Variants in HDAC9 observed in about 807,000 individuals in gnomAD.
HDAC9 encodes the protein histone deacetylase 9.
HDAC9 carries 41 observed loss-of-function variants against 139.4 expected under a neutral mutation model. The observed-to-expected ratio is 0.29, with a 90% confidence interval of 0.23 to 0.38. The LOEUF is 0.38. Ranked by LOEUF, HDAC9 falls within the 10% of genes least tolerant of loss-of-function variation. HDAC9 has a pLI of 1.00. For missense variants in HDAC9, 1,147 were observed against 1,297.0 expected, an observed-to-expected ratio of 0.88 and a Z score of 1.78; for synonymous variants, 517 against 476.2, an observed-to-expected ratio of 1.09 and a Z score of -1.12.
intron 22 of HDAC9, among the ~76,000 whole-genome samples, chr7:18,922,818 C>G (rs1356976273): frequency 6.6e-6 from 1 of 152,054 alleles, no homozygotes; most frequent in African/African-American, 2.4e-5. Flanking sequence ...CACCCTGGCT[C>G]TGTTGCTGAT....
intron 1 of HDAC9, among the ~76,000 whole-genome samples, chr7:18,134,616 C>T (rs1184673276): frequency 6.6e-6 from 1 of 152,156 alleles, no homozygotes; most frequent in East Asian, 1.9e-4. Flanking sequence ...TAGTGAACAA[C>T]ATTATTACTC....
chr7:18,775,799 G>T (rs1790715475), intron 16 of HDAC9, among the ~76,000 whole-genome samples: 1 of 151,908 alleles, frequency 6.6e-6, no homozygotes, highest in Non-Finnish European at 1.5e-5. Context: ...AGGCCTGGGA[G>T]TTCATAGGAC....
chr7:18,707,607 CT>C (rs1273623172), intron 12 of HDAC9, among the ~76,000 whole-genome samples: 1 of 152,054 alleles, frequency 6.6e-6, no homozygotes, highest in Non-Finnish European at 1.5e-5. Context: ...GACACCTGCT[CT>C]TTTTTTAGGT....
At chr7:18,144,891 G>A (rs1786182660) in intron 1 of HDAC9, among the ~76,000 whole-genome samples, 2 of 152,168 alleles carry the variant, frequency 1.3e-5, no homozygotes, top group Non-Finnish European at 2.9e-5. Flanking sequence ...GAGGTCTGAG[G>A]AATGAAGTAG....
At chr7:18,541,595 G>A (rs1037210689) in intron 2 of HDAC9, among the ~76,000 whole-genome samples, 1 of 151,948 alleles carries the variant, frequency 6.6e-6, no homozygotes, top group Non-Finnish European at 1.5e-5. Flanking sequence ...CAAGCATTGT[G>A]GTGACAAACA....
rs140063941 is a variant in HDAC9 at position 18,933,185 on chromosome 7, G to A, written c.2804-2624G>A. Among the ~76,000 whole-genome samples, 470 of 152,280 alleles carry A rather than the reference G, an allele frequency of 3.1e-3. 1 individual carries two copies. The highest frequency in any genetic ancestry group is 0.011 in the African/African-American group (442 of 41,564). On this transcript the variant is annotated intron_variant, in intron 22 of 25. Coordinates refer to ENST00000686413, the MANE Select transcript of HDAC9 (RefSeq NM_178425.4). ...TTTATTTCTCACAGTTCTGGTTACTGTAAGTCTGAGATCAGCTTGCCAGCA... is the reference window on the plus strand; with the variant it reads ...TTTATTTCTCACAGTTCTGGTTACTATAAGTCTGAGATCAGCTTGCCAGCA...
At chr7:18,625,456 G>A (rs995576118) in intron 6 of HDAC9, among the ~76,000 whole-genome samples, 8 of 152,116 alleles carry the variant, frequency 5.3e-5, no homozygotes, top group African/African-American at 1.9e-4. Flanking sequence ...ATGCTGTCCT[G>A]TGCTTTGTAG....
intron 2 of HDAC9, among the ~76,000 whole-genome samples, chr7:18,269,488 C>G (rs923319501): frequency 6.6e-6 from 1 of 152,066 alleles, no homozygotes; most frequent in Non-Finnish European, 1.5e-5. Flanking sequence ...GTGTATGCAC[C>G]AGAAAAGAAG....
intron 16 of HDAC9, among the ~76,000 whole-genome samples, chr7:18,772,964 G>A (rs969346218): frequency 2.6e-5 from 4 of 151,998 alleles, no homozygotes; most frequent in Admixed American, 6.6e-5. Context: ...TAGTTGTTGG[G>A]ATGTAGACAA....
At chr7:18,167,732 G>C (rs541258441) in intron 2 of HDAC9, among the ~76,000 whole-genome samples, 1 of 152,082 alleles carries the variant, frequency 6.6e-6, no homozygotes, top group Non-Finnish European at 1.5e-5. Flanking sequence ...TTCACATTTC[G>C]TTGAGTGGAA....
chr7:18,569,609 G>A (rs919374048), intron 2 of HDAC9, among the ~76,000 whole-genome samples: 1 of 152,168 alleles, frequency 6.6e-6, no homozygotes, highest in African/African-American at 2.4e-5. Flanking sequence ...GATACTATGA[G>A]TTCTGCCAGA....
At chr7:18,841,606 C>A (rs989926576) in intron 21 of HDAC9, among the ~76,000 whole-genome samples, 2 of 152,086 alleles carry the variant, frequency 1.3e-5, no homozygotes, top group African/African-American at 4.8e-5. Context: ...ATTTTGGAGA[C>A]AGTACTTTGT....
chr7:18,191,074 C>T (rs1790321909), intron 2 of HDAC9, among the ~76,000 whole-genome samples: 1 of 152,166 alleles, frequency 6.6e-6, no homozygotes, highest in Non-Finnish European at 1.5e-5. Flanking sequence ...GTGGAAAATT[C>T]ATGTGTAACT....
At chr7:18,129,535 C>T (rs1784878725) in intron 1 of HDAC9, among the ~76,000 whole-genome samples, 1 of 152,014 alleles carries the variant, frequency 6.6e-6, no homozygotes, top group Admixed American at 6.6e-5. Context: ...ATGATTCTGT[C>T]CAGTTTTTAA....
At chr7:18,980,177 GC>G (rs1277364250) in intron 25 of HDAC9, among the ~76,000 whole-genome samples, 1 of 152,048 alleles carries the variant, frequency 6.6e-6, no homozygotes, top group Admixed American at 6.5e-5. Context: ...GTCTTGAGGT[GC>G]ATGTGAAGTC....
At chr7:18,735,976 A>G in intron 13 of HDAC9, among the ~76,000 whole-genome samples, 1 of 152,006 alleles carries the variant, frequency 6.6e-6, no homozygotes, top group East Asian at 1.9e-4. Flanking sequence ...ATTTCTAGGT[A>G]TTTTATTCTC....
intron 16 of HDAC9, among the ~76,000 whole-genome samples, chr7:18,780,617 A>AGTCATCAC (rs2129170594): frequency 6.6e-6 from 1 of 152,208 alleles, no homozygotes; most frequent in African/African-American, 2.4e-5. Flanking sequence ...TGAGAGAAGC[A>AGTCATCAC]GTCATCACTA....
intron 21 of HDAC9, among the ~76,000 whole-genome samples, chr7:18,843,877 C>T (rs1202178432): frequency 6.6e-6 from 1 of 152,064 alleles, no homozygotes; most frequent in Non-Finnish European, 1.5e-5. Context: ...GACTTTCCCA[C>T]GTGGAGGAAT....
chr7:18,393,136 T>TAA (rs201164465), intron 1 of HDAC9, among the ~76,000 whole-genome samples: 1 of 149,700 alleles, frequency 6.7e-6, no homozygotes, highest in African/African-American at 2.5e-5. Flanking sequence ...TTTTTTTTTT[T>TAA]TAAAAAAACA....
Sources: gnomAD v4.1 joint callset for allele counts (sites outside exome capture counted in the v4.1 genomes callset) on GRCh38, gnomAD v4.1.1 for gene constraint, MANE v1.5 for transcripts, NCBI Gene and HGNC (gene_info 2026-07-23, HGNC 2026-07-21) for gene names.